Variants in NCOR2 observed in about 807,000 individuals in gnomAD.
NCOR2 encodes the protein CTG repeat protein 26.
NCOR2 carries 81 observed loss-of-function variants against 262.9 expected under a neutral mutation model. The ratio of observed to expected loss-of-function variants is 0.31; its 90% CI spans 0.26 to 0.37. NCOR2 has a LOEUF of 0.37. Ranked by LOEUF, NCOR2 falls within the 10% of genes least tolerant of loss-of-function variation. The pLI, the probability that NCOR2 is intolerant of heterozygous loss-of-function variation, is 1.00. For synonymous variants in NCOR2, 1,659 were observed against 1,559.3 expected, an observed-to-expected ratio of 1.06 and a Z score of -1.51; for missense variants, 3,385 against 3,621.4, an observed-to-expected ratio of 0.93 and a Z score of 1.68.
At chr12:124,379,111 G>A (rs7980860) in intron 17 of NCOR2, among the ~76,000 whole-genome samples, 30,280 of 86,878 alleles carry the variant, frequency 0.35, 3,391 homozygotes, top group South Asian at 0.39. Flanking sequence ...ATTTGACGGC[G>A]GAGGGAATGG....
At chr12:124,544,877 A>C (rs967387401) in intron 1 of NCOR2, among the ~76,000 whole-genome samples, 1 of 151,660 alleles carries the variant, frequency 6.6e-6, no homozygotes, top group Non-Finnish European at 1.5e-5. Context: ...AACTTCGCAG[A>C]GGCAGTTTCC....
intron 1 of NCOR2, among the ~76,000 whole-genome samples, chr12:124,530,743 A>G (rs2050731267): frequency 6.6e-6 from 1 of 152,180 alleles, no homozygotes; most frequent in South Asian, 2.1e-4. Flanking sequence ...CTACAAAAGC[A>G]AGGTGAGAAA....
chr12:124,347,159 AG>A (rs1273943611), intron 30 of NCOR2, among the ~76,000 whole-genome samples: 3 of 152,252 alleles, frequency 2.0e-5, no homozygotes, highest in African/African-American at 7.2e-5. Context: ...GCTTGAGCTC[AG>A]GAGTTCGAGA....
chr12:124,457,405 C>T lies in NCOR2; in HGVS notation c.706-243G>A, dbSNP rs1420950399. Among the ~76,000 whole-genome samples the T allele has an allele frequency of 2.0e-5, 3 of 152,060 alleles. No homozygotes were observed. The highest frequency in any genetic ancestry group is 4.4e-5 in the Non-Finnish European group (3 of 68,022). Reference sequence around the variant, plus strand: ...AGCCAAGTTTCGATTTTAGCAAATGCGCCGGGTCCACTGAAGCCTGCTCCC... The same window carrying T: ...AGCCAAGTTTCGATTTTAGCAAATGTGCCGGGTCCACTGAAGCCTGCTCCC... On this transcript the variant is annotated intron_variant, in intron 5 of 46. Transcript: ENST00000405201. The surrounding 1 kb of genome is among the most constrained non-coding windows in gnomAD (Gnocchi z 4.0).
At chr12:124,512,111 C>G (rs1037537324) in intron 1 of NCOR2, among the ~76,000 whole-genome samples, 4 of 152,140 alleles carry the variant, frequency 2.6e-5, no homozygotes, top group Non-Finnish European at 5.9e-5. Context: ...AGGGTCTCGC[C>G]ATGTTGCCCA....
intron 15 of NCOR2, among the ~76,000 whole-genome samples, chr12:124,399,910 T>C (rs2041906654): frequency 6.6e-6 from 1 of 152,226 alleles, no homozygotes; most frequent in Middle Eastern, 3.4e-3. Context: ...ATGAACACCC[T>C]TCTCAACAGA....
At chr12:124,360,078 G>A (rs942046118) in intron 22 of NCOR2, among the ~76,000 whole-genome samples, 3 of 152,218 alleles carry the variant, frequency 2.0e-5, no homozygotes, top group African/African-American at 7.2e-5. Context: ...CAGGACAGGG[G>A]CCTGCGACCT....
At chr12:124,567,079 C>G (rs1221485273) in intron 1 of NCOR2, among the ~76,000 whole-genome samples, 1 of 152,030 alleles carries the variant, frequency 6.6e-6, no homozygotes, top group Admixed American at 6.5e-5. Flanking sequence ...CCCGCCCCCT[C>G]GCTAGGGAGC....
chr12:124,501,050 GCGCGCACGCGCGCACACACACACA>G (rs2048690976), intron 1 of NCOR2, among the ~76,000 whole-genome samples: 1 of 30,534 alleles, frequency 3.3e-5, no homozygotes, highest in Non-Finnish European at 7.7e-5. Flanking sequence ...GCACGAGCGC[GCGCGCACGCGCGCACACACACACA>G]CACACACACA....
intron 10 of NCOR2, among the ~76,000 whole-genome samples, 193 bp from the exon 13 acceptor site, chr12:124,426,993 C>T (rs1477269613): frequency 6.6e-6 from 1 of 152,192 alleles, no homozygotes; most frequent in African/African-American, 2.4e-5. Context: ...ATGTAAAGGC[C>T]TCCCCGACAG....
In NCOR2 at chr12:124,334,624, G is replaced by C. The variant is rs748432112; in HGVS notation, c.6412-7C>G. 7.4e-7 allele frequency: 1 copy of C among 1,360,292 alleles called. No homozygotes were observed. Among genetic ancestry groups the C allele is most frequent in the Non-Finnish European group, 9.4e-7 (1 of 1,060,508 alleles). The allele number at this position is 1,360,292 out of a possible 1,614,324, so 84.3% of individuals were successfully genotyped here. On this transcript the variant is annotated splice_polypyrimidine_tract_variant and splice_region_variant and intron_variant, in intron 40 of 46. Transcript: ENST00000405201. ...AGTCCTGTGTGATGACCTCCTGCAG[G>C]CAAGTGGGGGGGCCCAGAGTCAGGC...
At chr12:124,344,752 C>G (rs926260945) in exon 32 of NCOR2, 23 of 1,546,916 alleles carry the variant, frequency 1.5e-5, no homozygotes, top group Non-Finnish European at 2.0e-5. Flanking sequence ...CGCAATGGAG[C>G]CCCCCGAGCT....
chr12:124,429,242 C>T (rs1032823575), intron 10 of NCOR2, among the ~76,000 whole-genome samples: 9 of 152,278 alleles, frequency 5.9e-5, no homozygotes, highest in Admixed American at 2.6e-4. Flanking sequence ...GGCACTCCCG[C>T]CCCTTGGGCT....
chr12:124,366,061 C>T (rs555855093), intron 20 of NCOR2, among the ~76,000 whole-genome samples: 20 of 152,294 alleles, frequency 1.3e-4, no homozygotes, highest in Non-Finnish European at 8.8e-5. Context: ...GCCCTCATTG[C>T]CCTAAACCCA....
chr12:124,450,865 T>A (rs150837263), intron 6 of NCOR2, among the ~76,000 whole-genome samples: 1 of 152,228 alleles, frequency 6.6e-6, no homozygotes, highest in Non-Finnish European at 1.5e-5. Flanking sequence ...TTTCTCCTCA[T>A]CTATAAAATG....
intron 3 of NCOR2, among the ~76,000 whole-genome samples, chr12:124,478,140 C>CCAGGTGA (rs2047209436): frequency 6.6e-6 from 1 of 152,130 alleles, no homozygotes; most frequent in African/African-American, 2.4e-5. Flanking sequence ...TGGAGGAAGG[C>CCAGGTGA]CTGGAGTCAC....
At chr12:124,326,674 G>C (rs552406203) in intron 45 of NCOR2, among the ~76,000 whole-genome samples, 3 of 152,260 alleles carry the variant, frequency 2.0e-5, no homozygotes, top group African/African-American at 7.2e-5. Flanking sequence ...CCAGGGGCTG[G>C]AACCCTAAGC....
chr12:124,426,085 C>T (rs533664452), intron 11 of NCOR2, among the ~76,000 whole-genome samples: 1 of 152,348 alleles, frequency 6.6e-6, no homozygotes, highest in Non-Finnish European at 1.5e-5. Flanking sequence ...CTGCCTTGTT[C>T]TTCCGACTCG....
chr12:124,350,538 A>C (rs764292691), intron 28 of NCOR2, 49 bp downstream of exon 30: 1 of 1,584,418 alleles, frequency 6.3e-7, no homozygotes, highest in South Asian at 1.1e-5. Flanking sequence ...TCAGTGGGCC[A>C]AGCACACTCC....
Sources: gnomAD v4.1 joint callset for allele counts (sites outside exome capture counted in the v4.1 genomes callset) on GRCh38, gnomAD v4.1.1 for gene constraint, Gnocchi (gnomAD v3.1) non-coding constraint, MANE v1.5 for transcripts, NCBI Gene and HGNC (gene_info 2026-07-23, HGNC 2026-07-21) for gene names.